Variants in PROCR observed in about 807,000 individuals in gnomAD.
The protein encoded by PROCR is endothelial protein C receptor.
In PROCR, 22 loss-of-function variants were observed where a neutral mutation model predicts 24.2. That is an observed-to-expected ratio of 0.91 (90% CI 0.65 to 1.30). The LOEUF is 1.30. PROCR is among the 50% of genes most tolerant of loss of function. The pLI, the probability that PROCR is intolerant of heterozygous loss-of-function variation, is 0.00. For missense variants in PROCR, 288 were observed against 307.7 expected (o/e 0.94, Z 0.48); for synonymous variants, 137 against 139.2 (o/e 0.98, Z 0.11).
chr20:35,183,497 A>G (rs1416280384), intron 1 of PROCR, among the ~76,000 whole-genome samples: 2 of 152,178 alleles, frequency 1.3e-5, no homozygotes, highest in Non-Finnish European at 2.9e-5. Flanking sequence ...TGCTGGTGCC[A>G]TGCTTCCTGT....
rs1415633688 is a variant in PROCR, at chr20:35,177,316, A to G, written c.*503A>G. 1.0e-6 allele frequency: 1 copy of G among 985,576 alleles called. No homozygotes were observed. Among genetic ancestry groups the G allele is most frequent in the African/African-American group, 1.7e-5 (1 of 57,312 alleles). 61.1% of individuals were successfully genotyped at this position (985,576 alleles called of 1,614,324 possible). A position where few individuals can be genotyped will look rare whatever the true frequency, so the allele number is the denominator to read the frequency against. On this transcript the variant is annotated 3_prime_UTR_variant, in exon 4 of 4. Transcript: ENST00000216968. ...AATCCAAGTCATATGGCAGTGATCA[A>G]TTATTAATCAATTAATAATATTAAT...
intron 1 of PROCR, among the ~76,000 whole-genome samples, chr20:35,173,893 G>A (rs966442447): frequency 1.8e-4 from 28 of 152,194 alleles, no homozygotes; most frequent in African/African-American, 6.8e-4. Context: ...GCAGGGGCCA[G>A]GTCTCTAGCA....
intron 1 of PROCR, among the ~76,000 whole-genome samples, chr20:35,193,564 C>T (rs1268145524): frequency 6.6e-6 from 1 of 152,142 alleles, no homozygotes; most frequent in Non-Finnish European, 1.5e-5. Context: ...TGAGCACTTT[C>T]CTGTATCAGT....
At chr20:35,183,867 C>T (rs543483912) in intron 1 of PROCR, among the ~76,000 whole-genome samples, 3 of 152,226 alleles carry the variant, frequency 2.0e-5, no homozygotes, top group Non-Finnish European at 2.9e-5. Context: ...TGCCCAACAT[C>T]GTTATAGTCA....
intron 1 of PROCR, among the ~76,000 whole-genome samples, chr20:35,200,261 G>C (rs547596612): frequency 1.2e-4 from 18 of 152,324 alleles, no homozygotes; most frequent in African/African-American, 4.3e-4. Flanking sequence ...TTTGAAAGAA[G>C]TTCTACTGTG....
At chr20:35,178,706 G>A (rs1389638465), downstream of PROCR, among the ~76,000 whole-genome samples, 1 of 138,198 alleles carries the variant, frequency 7.2e-6, no homozygotes, top group Non-Finnish European at 1.6e-5. Context: ...TAGTAGAGAC[G>A]GGGTTTCACC....
intron 1 of PROCR, among the ~76,000 whole-genome samples, chr20:35,211,433 C>G (rs1405470231): frequency 6.6e-6 from 1 of 152,178 alleles, no homozygotes. Context: ...TATTCTATGG[C>G]TCCTGGAATG....
chr20:35,178,998 G>A (rs573591554), downstream of PROCR, among the ~76,000 whole-genome samples: 64 of 150,482 alleles, frequency 4.3e-4, no homozygotes, highest in Non-Finnish European at 8.3e-4. Flanking sequence ...TTGGGAGGCC[G>A]AGGCGGGCGG....
intron 1 of PROCR, among the ~76,000 whole-genome samples, chr20:35,194,088 A>G (rs2086195814): frequency 6.6e-6 from 1 of 152,238 alleles, no homozygotes. Context: ...AGATAGTGGA[A>G]TAAGGTAAGG....
At chr20:35,215,305 C>T (rs779296798) in intron 1 of PROCR, among the ~76,000 whole-genome samples, 4 of 152,188 alleles carry the variant, frequency 2.6e-5, no homozygotes, top group Admixed American at 6.5e-5. Flanking sequence ...GTGTATATTG[C>T]ATATAAAACT....
chr20:35,183,321 T>C (rs1168616064), intron 1 of PROCR, among the ~76,000 whole-genome samples: 1 of 152,168 alleles, frequency 6.6e-6, no homozygotes, highest in East Asian at 1.9e-4. Context: ...TCCTTTAGTG[T>C]TGAGTGAGTT....
chr20:35,213,016 G>T (rs935885394), intron 1 of PROCR, among the ~76,000 whole-genome samples: 2 of 152,154 alleles, frequency 1.3e-5, no homozygotes, highest in Non-Finnish European at 2.9e-5. Context: ...AACATGGTTG[G>T]TCATTTAAAA....
At chr20:35,179,719 T>C (rs372573236), downstream of PROCR, among the ~76,000 whole-genome samples, 1 of 152,202 alleles carries the variant, frequency 6.6e-6, no homozygotes, top group East Asian at 1.9e-4. Context: ...TCTCTACTTC[T>C]GATGTTTACT....
At chr20:35,180,033 G>A (rs1168800605), downstream of PROCR, among the ~76,000 whole-genome samples, 1 of 152,046 alleles carries the variant, frequency 6.6e-6, no homozygotes, top group South Asian at 2.1e-4. Context: ...ATCACCTGAG[G>A]TCAGGAGTTG....
Position 35,172,221 on chromosome 20 carries a change from G to C in PROCR, c.67G>C (p.Asp23His). ...GGCCTTTTGTAGCCAAGACGCCTCA[G>C]ATGGTGAGTCGGGGGCACATCTCCT... ...GWAFCSQDAS[D>H]GLQRLHMLQI... The change falls in exon 1 of 4, where the codon GAT becomes CAT. Residue 23 changes from aspartate (D) to histidine (H), a missense_variant. Transcript: ENST00000216968. The C allele has an allele frequency of 6.2e-7, 1 of 1,614,188 alleles. No individual in the cohort carries two copies. The highest frequency in any genetic ancestry group is 2.2e-5 in the East Asian group (1 of 44,874).
chr20:35,205,752 A>AATATATATATATATATAT (rs200029202), intron 1 of PROCR, among the ~76,000 whole-genome samples: 278 of 102,536 alleles, frequency 2.7e-3, no homozygotes, highest in African/African-American at 4.8e-3. Context: ...ACTCTGTCTA[A>AATATATATATATATATAT]ATATATATAT....
chr20:35,206,723 G>A (rs1002227933), intron 1 of PROCR, among the ~76,000 whole-genome samples: 11 of 152,002 alleles, frequency 7.2e-5, no homozygotes, highest in South Asian at 4.1e-4. Flanking sequence ...GTGAGAAGGC[G>A]GAACAACTGC....
At chr20:35,185,326 G>A (rs1253333877) in intron 1 of PROCR, among the ~76,000 whole-genome samples, 1 of 152,154 alleles carries the variant, frequency 6.6e-6, no homozygotes, top group Non-Finnish European at 1.5e-5. Context: ...AAACAGCGTG[G>A]AGATTCCTTA....
chr20:35,178,507 G>GTTTTGTTTTGTTT (rs1272557859), downstream of PROCR, among the ~76,000 whole-genome samples: 2 of 34,372 alleles, frequency 5.8e-5, no homozygotes, highest in African/African-American at 3.7e-4. Context: ...TCAAGTCTCA[G>GTTTTGTTTTGTTT]TTTTTTTTTT....
Sources: allele counts gnomAD v4.1 joint callset (sites outside exome capture counted in the v4.1 genomes callset), GRCh38; gene constraint gnomAD v4.1.1; transcripts MANE v1.5; gene names NCBI Gene and HGNC (gene_info 2026-07-23, HGNC 2026-07-21).